CITED2: variants seen among roughly 807,000 people sequenced by gnomAD.
CITED2 encodes Cbp/p300 interacting transactivator with ED-rich tail 2.
In CITED2, 2 loss-of-function variants were observed where a neutral mutation model predicts 11.8. The ratio of observed to expected loss-of-function variants is 0.17; its 90% CI spans 0.07 to 0.54. The LOEUF is 0.54. CITED2 is among the 20% of genes least tolerant of loss of function. CITED2 has a pLI of 0.94. For synonymous variants in CITED2, 210 were observed against 153.0 expected, an observed-to-expected ratio of 1.37 and a Z score of -2.75; for missense variants, 437 against 390.2, an observed-to-expected ratio of 1.12 and a Z score of -1.01.
chr6:139,373,753 A>G lies in CITED2; in HGVS notation c.192T>C (p.Asn64=). ...TCGCATGCCTGATGCCGCTCGTGGC[A>G]TTCATGTTGCCCGCGCCGTAGTGTA... ...EHIHYGAGNM[N]ATSGIRHAMG... The change falls in exon 2 of 2, where the codon AAT becomes AAC. Residue 64 remains asparagine (N), a synonymous_variant. Coordinates refer to ENST00000367651, the MANE Select transcript of CITED2 (RefSeq NM_006079.5). The G allele has an allele frequency of 1.2e-6, 2 of 1,609,434 alleles. No homozygotes were observed. The highest frequency in any genetic ancestry group is 1.7e-6 in the Non-Finnish European group (2 of 1,179,508).
rs749590293 is a variant in CITED2, at chr6:139,373,825, CTGG to C, written c.117_119del (p.His39del). On this transcript the variant is annotated inframe_deletion, in exon 2 of 2. Coordinates refer to ENST00000367651, the MANE Select transcript of CITED2 (RefSeq NM_006079.5). Reference sequence around the variant, plus strand: ...TGAAGGCGTGCTGGGGCTGCTGCTGCTGGTGGTGATGGGGGCTCGGGAACTGCC... The same window carrying C: ...TGAAGGCGTGCTGGGGCTGCTGCTGCTGGTGATGGGGGCTCGGGAACTGCC... The C allele has an allele frequency of 2.3e-3, 3,733 of 1,607,774 alleles. 7 individuals are homozygous for C. The highest frequency in any genetic ancestry group is 3.0e-3 in the Non-Finnish European group (3,528 of 1,179,948).
At chr6:139,374,283 C>G (rs1778331852) in intron 1 of CITED2, 130 bp downstream of exon 1, 2 of 1,014,266 alleles carry the variant, frequency 2.0e-6, no homozygotes, top group Non-Finnish European at 1.4e-6. Context: ...TAAATCAGCC[C>G]TCCTCATCCT....
rs1302594263 is a variant in CITED2, at chr6:139,374,100, T to A, written c.-8-148A>T. On this transcript the variant is annotated intron_variant, in intron 1 of 1. Coordinates refer to ENST00000367651, the MANE Select transcript of CITED2 (RefSeq NM_006079.5). The stretch of plus-strand genomic sequence containing the variant: ...CCCCCAAGATCCCACTAACAGCCTG[T>A]GCACCCGGGCTAGCCACCACGGAAG... 14 of 1,507,792 alleles carry A rather than the reference T, an allele frequency of 9.3e-6. No homozygotes were observed. The East Asian group carries it at 3.2e-4, about 35-fold the overall frequency. The allele number at this position is 1,507,792 out of a possible 1,614,324, so 93.4% of individuals were successfully genotyped here.
rs1411287914 is a variant in CITED2 at position 139,372,711 on chromosome 6, CAACT to C, written c.*417_*420del. On this transcript the variant is annotated 3_prime_UTR_variant, in exon 2 of 2. Coordinates refer to ENST00000367651, the MANE Select transcript of CITED2 (RefSeq NM_006079.5). ...ATCTGCCCTTCGAAGTTCATGCAAC[CAACT>C]AATGCAATTTTTCCTTTCACTCGTA... 1 of 228,880 alleles carries C rather than the reference CAACT, an allele frequency of 4.4e-6. No individual in the cohort carries two copies. Among genetic ancestry groups the C allele is most frequent in the African/African-American group, 2.3e-5 (1 of 44,304 alleles). The allele number at this position is 228,880 out of a possible 1,614,324, so 14.2% of individuals were successfully genotyped here. A position where few individuals can be genotyped will look rare whatever the true frequency, so the allele number is the denominator to read the frequency against.
At chr6:139,373,999 C>G in intron 1 of CITED2, 47 bp from the exon 2 acceptor site, 1 of 1,553,354 alleles carries the variant, frequency 6.4e-7, no homozygotes, top group African/African-American at 1.4e-5. Context: ...ACACGTGTCG[C>G]CCACCACAGC....
chr6:139,373,503 C>A lies in CITED2; in HGVS notation c.442G>T (p.Gly148Trp). 1 of 1,612,870 alleles carries A rather than the reference C, an allele frequency of 6.2e-7. No individual in the cohort carries two copies. The highest frequency in any genetic ancestry group is 8.5e-7 in the Non-Finnish European group (1 of 1,179,334). Residue 148 changes from glycine to tryptophan, a missense_variant, in exon 2 of 2, where the codon GGG (glycine) becomes TGG (tryptophan). Gly to Trp is a radical substitution (Grantham distance 184, BLOSUM62 -2). Around this residue, in one of 3 missense-constraint regions of CITED2, gnomAD observed 396 missense variants for 325.2 expected, o/e 1.22. Transcript: ENST00000367651. Reference sequence around the variant, plus strand: ...CAATCTCGGAAGTGCTGGTTTGTCCCGTTCATCTGGTGGCCTGCAGCAGGG... The same window carrying A: ...CAATCTCGGAAGTGCTGGTTTGTCCAGTTCATCTGGTGGCCTGCAGCAGGG... ...LHPAAGHQMNGTNQHFRDCNP... is the reference protein window; with the variant it reads ...LHPAAGHQMNWTNQHFRDCNP...
chr6:139,374,550 G>A lies in CITED2; in HGVS notation c.-146C>T, dbSNP rs1380708938. 5.1e-6 allele frequency: 1 copy of A among 195,342 alleles called. No individual in the cohort carries two copies. Among genetic ancestry groups the A allele is most frequent in the African/African-American group, 2.3e-5 (1 of 43,024 alleles). The allele number at this position is 195,342 out of a possible 1,614,324, so 12.1% of individuals were successfully genotyped here. On this transcript the variant is annotated 5_prime_UTR_variant, in exon 1 of 2. Coordinates refer to ENST00000367651, the MANE Select transcript of CITED2 (RefSeq NM_006079.5). ...GCGATGTCGGCGCCGAGGTCTCGCA[G>A]CGGCCGCTGGGGCAGATTCGGAGCC...
At position 139,373,528 on chromosome 6, in the gene CITED2, G is replaced by T; in HGVS notation, c.417C>A (p.His139Gln). Reference protein sequence around the residue: ...YPHNHYMPDLHPAAGHQMNGT... With the variant: ...YPHNHYMPDLQPAAGHQMNGT... Reference sequence around the variant, plus strand: ...CGTTCATCTGGTGGCCTGCAGCAGGGTGCAAATCCGGCATGTAGTGGTTGT... The same window carrying T: ...CGTTCATCTGGTGGCCTGCAGCAGGTTGCAAATCCGGCATGTAGTGGTTGT... Residue 139 changes from histidine to glutamine, a missense_variant, in exon 2 of 2, where the codon CAC (histidine) becomes CAA (glutamine). Transcript: ENST00000367651. The T allele has an allele frequency of 6.2e-7, 1 of 1,614,030 alleles. No homozygotes were observed. Among genetic ancestry groups the T allele is most frequent in the Non-Finnish European group, 8.5e-7 (1 of 1,179,936 alleles).
Position 139,373,968 on chromosome 6 carries a change from G to A in CITED2, c.-8-16C>T, listed in dbSNP as rs771204532. On this transcript the variant is annotated splice_polypyrimidine_tract_variant and intron_variant, in intron 1 of 1. Transcript: ENST00000367651. ...ATTTCCAGTCCTGGAAGTGAAAAGGGCAGATAATGAGACCCGCGCCACACG... is the reference window on the plus strand; with the variant it reads ...ATTTCCAGTCCTGGAAGTGAAAAGGACAGATAATGAGACCCGCGCCACACG... The A allele has an allele frequency of 4.4e-6, 7 of 1,592,760 alleles. No homozygotes were observed. Among genetic ancestry groups the A allele is most frequent in the East Asian group, 2.2e-5 (1 of 44,656 alleles).
rs541537531 is a variant in CITED2, at chr6:139,372,197, C to CG, written c.*934dup. 1.9e-4 allele frequency: 29 copies of CG among 152,270 alleles called. No individual in the cohort carries two copies. Among genetic ancestry groups the CG allele is most frequent in the South Asian group, 1.2e-3 (6 of 4,822 alleles). The allele number at this position is 152,270 out of a possible 1,614,324, so 9.4% of individuals were successfully genotyped here. ...TCATCAATAGTGTTCAACTCAAAGA[C>CG]GGGGGGAAAAAAGCCACCAAAGGGA... On this transcript the variant is annotated 3_prime_UTR_variant, in exon 2 of 2. Transcript: ENST00000367651.
Position 139,373,371 on chromosome 6 carries a change from T to C in CITED2, c.574A>G (p.Ser192Gly), listed in dbSNP as rs563655306. 9.3e-4 allele frequency: 1,469 copies of C among 1,588,050 alleles called. 27 individuals are homozygous for C. In the Admixed American group the frequency reaches 0.018, roughly 20 times the overall value. ...TTGCCGCTGCCGCTGCCGCCGCCGC[T>C]GTTGCTGCTGCCCGCGCCGCCGCCC... ...SSGGGAGSSNSGGGSGSGNMP... is the reference protein window; with the variant it reads ...SSGGGAGSSNGGGGSGSGNMP... Residue 192 changes from serine to glycine, a missense_variant, in exon 2 of 2, where the codon AGC becomes GGC. Ser to Gly is a moderately conservative substitution (Grantham distance 56). Transcript: ENST00000367651.
intron 1 of CITED2, 156 bp from the exon 2 acceptor site, chr6:139,374,108 G>A (rs1452276378): frequency 2.7e-6 from 4 of 1,500,654 alleles, no homozygotes; most frequent in African/African-American, 2.8e-5. Flanking sequence ...TGTGCACCCG[G>A]GCTAGCCACC....
chr6:139,374,085 C>T (rs1241732909), intron 1 of CITED2, 133 bp from the exon 2 acceptor site: 23 of 1,521,238 alleles, frequency 1.5e-5, no homozygotes, highest in Admixed American at 2.0e-5. Flanking sequence ...CCCCCAAGAT[C>T]CCACTAACAG....
intron 1 of CITED2, 101 bp from the exon 2 acceptor site, chr6:139,374,053 G>GC: frequency 6.5e-7 from 1 of 1,527,216 alleles, no homozygotes; most frequent in African/African-American, 1.4e-5. Context: ...ATTCCCGGGC[G>GC]CACGTCGGCT....
chr6:139,374,078 C>G, intron 1 of CITED2, 126 bp from the exon 2 acceptor site: 1 of 1,523,454 alleles, frequency 6.6e-7, no homozygotes, highest in Non-Finnish European at 8.8e-7. Context: ...ACCACCACCC[C>G]CAAGATCCCA....
rs1288130548 is a variant in CITED2 at position 139,372,359 on chromosome 6, A to C, written c.*773T>G. 1 of 152,676 alleles carries C rather than the reference A, an allele frequency of 6.5e-6. No homozygotes were observed. The highest frequency in any genetic ancestry group is 6.5e-5 in the Admixed American group (1 of 15,286). 9.5% of individuals were successfully genotyped at this position (152,676 alleles called of 1,614,324 possible). On this transcript the variant is annotated 3_prime_UTR_variant, in exon 2 of 2. Transcript: ENST00000367651. The stretch of plus-strand genomic sequence containing the variant: ...TACAAAAATACTGTCAAAATTTCCT[A>C]AAAAGCTTTCAACACAGTAGTATCT...
At position 139,373,359 on chromosome 6, in the gene CITED2, T is replaced by C. The variant is rs962878530; in HGVS notation, c.586A>G (p.Ser196Gly). ...GAGGCGGGCATGTTGCCGCTGCCGC[T>C]GCCGCCGCCGCTGTTGCTGCTGCCC... is the stretch of plus-strand genomic sequence containing the variant. ...GAGSSNSGGG[S>G]GSGNMPASVA... Residue 196 changes from serine to glycine, a missense_variant, in exon 2 of 2, where the codon AGC becomes GGC. By Grantham distance (56) the Ser-to-Gly change is moderately conservative. Coordinates refer to ENST00000367651, the MANE Select transcript of CITED2 (RefSeq NM_006079.5). 29 of 1,591,122 alleles carry C rather than the reference T, an allele frequency of 1.8e-5. No homozygotes were observed. Among genetic ancestry groups the C allele is most frequent in the Non-Finnish European group, 2.3e-5 (27 of 1,170,730 alleles).
chr6:139,373,695 G>A lies in CITED2; in HGVS notation c.250C>T (p.Pro84Ser). The part of the protein sequence containing the change: ...GPGTVNGGHP[P>S]SALAPAARFN... ...CTGGCCGCGGGGGCCAGCGCGCTCG[G>A]GGGGTGCCCTCCGTTCACAGTCCCC... The change falls in exon 2 of 2, where the codon CCG becomes TCG. Residue 84 changes from proline (P) to serine (S), a missense_variant. By Grantham distance (74) the Pro-to-Ser change is moderately conservative. Around this residue, in one of 3 missense-constraint regions of CITED2, gnomAD observed 396 missense variants for 325.2 expected, o/e 1.22. Coordinates refer to ENST00000367651, the MANE Select transcript of CITED2 (RefSeq NM_006079.5). 1.2e-6 allele frequency: 2 copies of A among 1,611,002 alleles called. No homozygotes were observed. The highest frequency in any genetic ancestry group is 2.2e-5 in the South Asian group (2 of 91,070).
Position 139,373,009 on chromosome 6 carries a change from G to A in CITED2, c.*123C>T. On this transcript the variant is annotated 3_prime_UTR_variant, in exon 2 of 2. Coordinates refer to ENST00000367651, the MANE Select transcript of CITED2 (RefSeq NM_006079.5). ...TTTGTACAAGTTTATAGTTTACTTT[G>A]TTTCCAAGTTCTCAAACCTTTCAAG... is the stretch of plus-strand genomic sequence containing the variant. 4.3e-5 allele frequency: 44 copies of A among 1,025,824 alleles called. No individual in the cohort carries two copies. In the South Asian group the frequency reaches 5.5e-4, roughly 13 times the overall value. The allele number at this position is 1,025,824 out of a possible 1,614,324, so 63.5% of individuals were successfully genotyped here. A position where few individuals can be genotyped will look rare whatever the true frequency, so the allele number is the denominator to read the frequency against.
Sources: gnomAD v4.1 joint callset for allele counts on GRCh38, gnomAD v4.1.1 for gene constraint, gnomAD v4.1.1 regional missense constraint, MANE v1.5 for transcripts, NCBI Gene and HGNC (gene_info 2026-07-23, HGNC 2026-07-21) for gene names.